SEM1: variants seen among roughly 807,000 people sequenced by gnomAD.
SEM1 encodes SEM1 26S proteasome subunit.
A neutral mutation model predicts 12.7 loss-of-function variants in SEM1; 3 were observed. The ratio of observed to expected loss-of-function variants is 0.24; its 90% CI spans 0.11 to 0.61. SEM1 has a LOEUF of 0.61. Among genes scored for constraint, SEM1 ranks in the 20% least tolerant of loss-of-function variants. The pLI, the probability that SEM1 is intolerant of heterozygous loss-of-function variation, is 0.88. For synonymous variants in SEM1, 30 were observed against 27.8 expected, an observed-to-expected ratio of 1.08 and a Z score of -0.25; for missense variants, 59 against 81.3, an observed-to-expected ratio of 0.73 and a Z score of 1.06.
At chr7:96,554,904 CTTT>C (rs1366463850) in intron 2 of SEM1, among the ~76,000 whole-genome samples, 1 of 142,118 alleles carries the variant, frequency 7.0e-6, no homozygotes, top group Non-Finnish European at 1.6e-5. Context: ...AGAGATTCAA[CTTT>C]TTCCTGGTTT....
chr7:96,707,031 G>A (rs1006277647), intron 1 of SEM1, among the ~76,000 whole-genome samples: 2 of 152,184 alleles, frequency 1.3e-5, no homozygotes, highest in African/African-American at 4.8e-5. Flanking sequence ...CCAAAAGATT[G>A]AAAATAGGTC....
At chr7:96,665,690 A>C in intron 2 of SEM1, among the ~76,000 whole-genome samples, 1 of 152,218 alleles carries the variant, frequency 6.6e-6, no homozygotes, top group East Asian at 1.9e-4. Context: ...ATCAAATGAC[A>C]AAGGGAACTT....
intron 2 of SEM1, among the ~76,000 whole-genome samples, chr7:96,674,775 G>A (rs778416120): frequency 6.6e-6 from 1 of 152,178 alleles, no homozygotes; most frequent in Non-Finnish European, 1.5e-5. Flanking sequence ...ACTGAACCCT[G>A]TGCTGGGCCA....
chr7:96,673,345 C>T (rs190709291), downstream of SEM1: 129 of 166,146 alleles, frequency 7.8e-4, no homozygotes, highest in Non-Finnish European at 1.4e-3. Context: ...GAACTCCTGA[C>T]CTCAGGTGAT....
chr7:96,525,148 T>A (rs1804410056), intron 2 of SEM1, among the ~76,000 whole-genome samples: 1 of 152,078 alleles, frequency 6.6e-6, no homozygotes, highest in Non-Finnish European at 1.5e-5. Context: ...TTAACCACTC[T>A]CATCCCCACT....
intron 2 of SEM1, among the ~76,000 whole-genome samples, chr7:96,609,416 A>G (rs931854031): frequency 2.0e-5 from 3 of 152,248 alleles, no homozygotes; most frequent in Non-Finnish European, 1.5e-5. Flanking sequence ...GGTAATTTAC[A>G]AAGTAATTTC....
At chr7:96,696,393 A>G (rs989020164) in intron 1 of SEM1, 2 of 152,000 alleles carry the variant, frequency 1.3e-5, no homozygotes, top group African/African-American at 4.8e-5. Context: ...AAGACGAAAG[A>G]GCTGGCCAAA....
chr7:96,645,840 T>G, intron 2 of SEM1: 1 of 398,352 alleles, frequency 2.5e-6, no homozygotes, highest in East Asian at 3.6e-5. Context: ...AGTTCTCGTG[T>G]GAGTTAATGA....
intron 2 of SEM1, among the ~76,000 whole-genome samples, chr7:96,564,353 A>G (rs531358439): frequency 1.3e-5 from 2 of 152,124 alleles, no homozygotes; most frequent in South Asian, 4.2e-4. Flanking sequence ...CACCACTAAT[A>G]GGAGCAATGG....
chr7:96,615,241 C>CTTTTTTTTTTTTTTTTTT lies in SEM1; in HGVS notation c.170+79539_170+79556dup, dbSNP rs60940244. On this transcript the variant is annotated intron_variant and NMD_transcript_variant, in intron 2 of 3. Coordinates refer to the SEM1 transcript ENST00000466986. Reference sequence around the variant, plus strand: ...ACTGTTGGGTTATTTTTTGAGTCATCTTTTTTTTTTTTTTTTTTTTTTTTG... The same window carrying CTTTTTTTTTTTTTTTTTT: ...ACTGTTGGGTTATTTTTTGAGTCATCTTTTTTTTTTTTTTTTTTTTTTTTTTTTTTTTTTTTTTTTTTG... 2.1e-4 allele frequency among the ~76,000 whole-genome samples: 27 copies of CTTTTTTTTTTTTTTTTTT among 126,454 alleles called. 2 individuals are homozygous for CTTTTTTTTTTTTTTTTTT. The highest frequency in any genetic ancestry group is 7.6e-4 in the African/African-American group (24 of 31,546). 83.0% of individuals were successfully genotyped at this position (126,454 alleles called of 152,430 possible). A position where few individuals can be genotyped will look rare whatever the true frequency, so the allele number is the denominator to read the frequency against.
rs560619379 is a variant in SEM1 at position 96,642,746 on chromosome 7, AT to A, written c.171-20104del. ...TACTTTTAACTGTTTTGTAGAAGCC[AT>A]TTTTTTTTCATTTTTACTGGAAATT... On this transcript the variant is annotated intron_variant, in intron 2 of 2. Transcript: ENST00000417009. Among the ~76,000 whole-genome samples, 33 of 147,908 alleles carry A rather than the reference AT, an allele frequency of 2.2e-4. 1 individual carries two copies. Among genetic ancestry groups the A allele is most frequent in the South Asian group, 1.5e-3 (7 of 4,654 alleles).
At chr7:96,503,181 C>A (rs893243356) in intron 3 of SEM1, among the ~76,000 whole-genome samples, 3 of 152,060 alleles carry the variant, frequency 2.0e-5, no homozygotes, top group Non-Finnish European at 2.9e-5. Context: ...TAAAAACATG[C>A]CTATTTAGTG....
At chr7:96,676,317 A>G (rs757705363) in intron 2 of SEM1, among the ~76,000 whole-genome samples, 11 of 152,148 alleles carry the variant, frequency 7.2e-5, no homozygotes, top group Non-Finnish European at 1.5e-4. Flanking sequence ...CTCTACCTAT[A>G]TATAGGTTGA....
downstream of SEM1, among the ~76,000 whole-genome samples, chr7:96,685,981 T>C (rs1359995181): frequency 6.6e-6 from 1 of 152,008 alleles, no homozygotes; most frequent in Non-Finnish European, 1.5e-5. Flanking sequence ...TCATGCACTT[T>C]CCAAAATATC....
chr7:96,687,065 G>A (rs910036549), downstream of SEM1, among the ~76,000 whole-genome samples: 2 of 152,132 alleles, frequency 1.3e-5, no homozygotes, highest in African/African-American at 4.8e-5. Flanking sequence ...TCAGAAAAAC[G>A]CAAATCAAAA....
intron 2 of SEM1, among the ~76,000 whole-genome samples, chr7:96,528,733 C>T (rs1804545736): frequency 6.6e-6 from 1 of 152,060 alleles, no homozygotes; most frequent in African/African-American, 2.4e-5. Context: ...CAGACCCATT[C>T]CAGACCTACT....
chr7:96,568,671 TTC>T (rs1184546490), intron 2 of SEM1, among the ~76,000 whole-genome samples: 1 of 151,920 alleles, frequency 6.6e-6, no homozygotes, highest in Non-Finnish European at 1.5e-5. Context: ...TTTGGATTTC[TTC>T]TCTCACCTGA....
chr7:96,656,788 A>G (rs967741023), intron 2 of SEM1, among the ~76,000 whole-genome samples: 5 of 151,640 alleles, frequency 3.3e-5, no homozygotes, highest in African/African-American at 9.7e-5. Context: ...TAGCATATAC[A>G]CTCTCCAACT....
intron 2 of SEM1, among the ~76,000 whole-genome samples, chr7:96,681,638 A>G (rs9655756): frequency 0.34 from 51,694 of 151,970 alleles, 10,524 homozygotes; most frequent in African/African-American, 0.58. Flanking sequence ...TTATTAAATA[A>G]GGAATCCTTT....
Sources: allele counts gnomAD v4.1 joint callset (sites outside exome capture counted in the v4.1 genomes callset), GRCh38; gene constraint gnomAD v4.1.1; transcripts MANE v1.5; gene names NCBI Gene and HGNC (gene_info 2026-07-23, HGNC 2026-07-21).